The following GPC5 variants were observed in gnomAD, a reference collection of about 807,000 sequenced individuals.
GPC5 encodes glypican-5.
In GPC5, 47 loss-of-function variants were observed where a neutral mutation model predicts 53.9. That is an observed-to-expected ratio of 0.87 (90% CI 0.69 to 1.11). The LOEUF is 1.11. Ranked by LOEUF, GPC5 falls within the 50% of genes most tolerant of loss-of-function variation. GPC5 has a pLI of 0.00. For synonymous variants in GPC5, 286 were observed against 263.3 expected, an observed-to-expected ratio of 1.09 and a Z score of -0.84; for missense variants, 748 against 713.1, an observed-to-expected ratio of 1.05 and a Z score of -0.56.
At chr13:92,147,672 C>T (rs189053342) in intron 7 of GPC5, among the ~76,000 whole-genome samples, 69 of 152,010 alleles carry the variant, frequency 4.5e-4, no homozygotes, top group Middle Eastern at 3.4e-3. Context: ...AGAATTTGGG[C>T]GATTTAAGAG....
At chr13:92,457,950 C>G (rs1414643224) in intron 7 of GPC5, among the ~76,000 whole-genome samples, 2 of 152,098 alleles carry the variant, frequency 1.3e-5, no homozygotes, top group Non-Finnish European at 2.9e-5. Context: ...GTTGTACCTA[C>G]ACGTGTATTG....
chr13:92,489,239 T>C (rs1230805841), intron 7 of GPC5, among the ~76,000 whole-genome samples: 1 of 152,202 alleles, frequency 6.6e-6, no homozygotes, highest in Non-Finnish European at 1.5e-5. Flanking sequence ...ACATTTTACC[T>C]ATGTCCATTC....
chr13:92,750,252 AC>A (rs1478234440), intron 7 of GPC5, among the ~76,000 whole-genome samples: 2 of 152,150 alleles, frequency 1.3e-5, no homozygotes, highest in African/African-American at 4.8e-5. Flanking sequence ...CATTTTGTAA[AC>A]TGTAAGAAAA....
chr13:92,668,702 A>G (rs61975936), intron 7 of GPC5, among the ~76,000 whole-genome samples: 33,653 of 152,102 alleles, frequency 0.22, 4,386 homozygotes, highest in South Asian at 0.36. Context: ...CAGCAAAAAT[A>G]TGCTTGAATA....
chr13:91,846,149 G>A (rs955036168), intron 5 of GPC5, among the ~76,000 whole-genome samples: 3 of 152,028 alleles, frequency 2.0e-5, no homozygotes, highest in Non-Finnish European at 2.9e-5. Flanking sequence ...CCTATATGGC[G>A]GTAAGACACT....
chr13:92,485,060 T>G (rs910302898), intron 7 of GPC5, among the ~76,000 whole-genome samples: 9 of 151,984 alleles, frequency 5.9e-5, no homozygotes, highest in African/African-American at 1.4e-4. Flanking sequence ...GAAGGAAAGA[T>G]GCAGCCAAGG....
Position 91,684,668 on chromosome 13 carries a change from G to C in GPC5, c.326-8519G>C, listed in dbSNP as rs148254622. Among the ~76,000 whole-genome samples the C allele has an allele frequency of 9.0e-4, 137 of 152,222 alleles. 5 individuals carry two copies. The East Asian group carries it at 0.02, about 22-fold the overall frequency. On this transcript the variant is annotated intron_variant, in intron 2 of 7. Transcript: ENST00000377067. The stretch of plus-strand genomic sequence containing the variant: ...ACTGTTAGCATAGCCTTTAAACTGG[G>C]CTTCCTGTTTTCACTCTTACACCCA...
intron 1 of GPC5, among the ~76,000 whole-genome samples, chr13:91,411,237 G>C (rs1308854101): frequency 6.6e-6 from 1 of 152,240 alleles, no homozygotes; most frequent in African/African-American, 2.4e-5. Flanking sequence ...CTGAATTAAT[G>C]TGAGTAGGGA....
At chr13:92,540,362 C>A (rs192000807) in intron 7 of GPC5, among the ~76,000 whole-genome samples, 1 of 151,508 alleles carries the variant, frequency 6.6e-6, no homozygotes, top group Non-Finnish European at 1.5e-5. Flanking sequence ...AATATGAATA[C>A]GATAATAGTG....
At chr13:91,410,470 T>C (rs772611509) in intron 1 of GPC5, among the ~76,000 whole-genome samples, 276 of 151,236 alleles carry the variant, frequency 1.8e-3, no homozygotes, top group Non-Finnish European at 2.7e-3. Flanking sequence ...CTCAGCCTCC[T>C]GAGTCGCTGG....
At chr13:91,728,220 C>A (rs1244713096) in intron 3 of GPC5, among the ~76,000 whole-genome samples, 1 of 152,012 alleles carries the variant, frequency 6.6e-6, no homozygotes, top group African/African-American at 2.4e-5. Flanking sequence ...TAAATAATAT[C>A]TATTTTGGTA....
intron 5 of GPC5, among the ~76,000 whole-genome samples, chr13:91,863,936 G>A (rs2039057904): frequency 6.6e-6 from 1 of 152,174 alleles, no homozygotes; most frequent in Non-Finnish European, 1.5e-5. Context: ...CATCCTGTTG[G>A]TTCTATTTCT....
chr13:92,084,997 C>T (rs186139527), intron 6 of GPC5, among the ~76,000 whole-genome samples: 33 of 152,236 alleles, frequency 2.2e-4, no homozygotes, highest in African/African-American at 3.1e-4. Context: ...TCATAGATGG[C>T]GACTTCTGTG....
chr13:92,498,808 G>C (rs981301592), intron 7 of GPC5, among the ~76,000 whole-genome samples: 1 of 152,118 alleles, frequency 6.6e-6, no homozygotes, highest in East Asian at 1.9e-4. Context: ...GGCCTGGCAT[G>C]TCATCCTTGG....
chr13:92,226,524 TA>T (rs2042487486), intron 7 of GPC5, among the ~76,000 whole-genome samples: 1 of 152,072 alleles, frequency 6.6e-6, no homozygotes, highest in Non-Finnish European at 1.5e-5. Context: ...ACAAAAATGG[TA>T]CACAGTTGAC....
At chr13:91,954,416 A>C (rs1398341769) in intron 6 of GPC5, among the ~76,000 whole-genome samples, 3 of 152,192 alleles carry the variant, frequency 2.0e-5, no homozygotes, top group Non-Finnish European at 4.4e-5. Context: ...CCAGAGATGC[A>C]AGCTTGGTTT....
chr13:92,586,861 A>G (rs1883551861), intron 7 of GPC5, among the ~76,000 whole-genome samples: 1 of 152,172 alleles, frequency 6.6e-6, no homozygotes, highest in East Asian at 1.9e-4. Context: ...CCTGGGGCTT[A>G]CAGAGTTCCC....
At chr13:91,912,281 C>T (rs931068138) in intron 6 of GPC5, among the ~76,000 whole-genome samples, 2 of 151,970 alleles carry the variant, frequency 1.3e-5, no homozygotes, top group Admixed American at 6.6e-5. Flanking sequence ...ACTCAGGAGA[C>T]GGAGGCTGCA....
chr13:92,571,001 A>T (rs1883005426), intron 7 of GPC5, among the ~76,000 whole-genome samples: 1 of 152,078 alleles, frequency 6.6e-6, no homozygotes, highest in African/African-American at 2.4e-5. Context: ...CAAGTTCCAG[A>T]CCCTTCTCAC....
Sources: allele counts gnomAD v4.1 joint callset (sites outside exome capture counted in the v4.1 genomes callset), GRCh38; gene constraint gnomAD v4.1.1; transcripts MANE v1.5; gene names NCBI Gene and HGNC (gene_info 2026-07-23, HGNC 2026-07-21).